The following KIF6 variants were observed in gnomAD, a reference collection of about 807,000 sequenced individuals.
KIF6 encodes the protein kinesin-like protein KIF6.
Under a neutral mutation model 112.7 loss-of-function variants are expected in KIF6, and 106 were observed. That is an observed-to-expected ratio of 0.94 (90% CI 0.80 to 1.11). KIF6 has a LOEUF of 1.11. Ranked by LOEUF, KIF6 falls within the 50% of genes least tolerant of loss-of-function variation. The pLI is 0.00. For missense variants in KIF6, 929 were observed against 964.0 expected (o/e 0.96, Z 0.48); for synonymous variants, 339 against 339.9 (o/e 1.00, Z 0.03).
At chr6:39,356,076 C>T (rs920030339) in intron 19 of KIF6, among the ~76,000 whole-genome samples, 1 of 151,636 alleles carries the variant, frequency 6.6e-6, no homozygotes, top group Non-Finnish European at 1.5e-5. Flanking sequence ...TGGCTGTGAC[C>T]GAGTCTCACA....
Position 39,586,340 on chromosome 6 carries a change from C to G in KIF6, c.911G>C (p.Ser304Thr). 6.2e-7 allele frequency: 1 copy of G among 1,614,076 alleles called. No homozygotes were observed. The highest frequency in any genetic ancestry group is 8.5e-7 in the Non-Finnish European group (1 of 1,179,896). Residue 304 changes from serine (S) to threonine (T), a missense_variant, in exon 8 of 23, where the codon AGT (serine) becomes ACT (threonine). This residue lies in a region of KIF6 where 688 missense variants were observed against 662.7 expected (regional missense o/e 1.04). Transcript: ENST00000287152. ...HIPYRNSMMT[S>T]VLRDSLGGNC... Reference sequence around the variant, plus strand: ...CCCTCCCAAACTGTCTCTTAGGACACTGGTCATCATGGAGTTTCTATAAGG... The same window carrying G: ...CCCTCCCAAACTGTCTCTTAGGACAGTGGTCATCATGGAGTTTCTATAAGG...
At chr6:39,480,363 T>C (rs1774719762) in intron 13 of KIF6, among the ~76,000 whole-genome samples, 1 of 152,214 alleles carries the variant, frequency 6.6e-6, no homozygotes, top group Non-Finnish European at 1.5e-5. Context: ...TTTATTGACT[T>C]GCGCATGTTA....
chr6:39,725,269 G>C lies in KIF6; in HGVS notation c.42C>G (p.Pro14=), dbSNP rs1270536670. The change falls in exon 1 of 23, where the codon CCC becomes CCG. Residue 14 remains proline (P), a synonymous_variant. Coordinates refer to ENST00000287152, the MANE Select transcript of KIF6 (RefSeq NM_145027.6). ...CCCCTTGTTGGTGCTTCCGGACAGG[G>C]GGCTTCACCCTCGCGAATATCTGGA... The part of the protein sequence containing the change: ...QTIQIFARVK[P]PVRKHQQGIY... The C allele has an allele frequency of 2.5e-6, 4 of 1,610,346 alleles. No individual in the cohort carries two copies. The African/African-American group carries it at 5.4e-5, about 22-fold the overall frequency.
chr6:39,671,572 A>G (rs999212692), intron 3 of KIF6, among the ~76,000 whole-genome samples: 1 of 152,114 alleles, frequency 6.6e-6, no homozygotes, highest in African/African-American at 2.4e-5. Flanking sequence ...ATTCCTGTTC[A>G]GCTCATTCTC....
intron 19 of KIF6, among the ~76,000 whole-genome samples, chr6:39,354,782 A>C (rs1000178774): frequency 6.6e-6 from 1 of 152,212 alleles, no homozygotes; most frequent in Non-Finnish European, 1.5e-5. Flanking sequence ...TAATTTCAAC[A>C]GTCTGATAGG....
intron 3 of KIF6, among the ~76,000 whole-genome samples, chr6:39,652,323 G>A (rs1785514951): frequency 1.3e-5 from 2 of 152,072 alleles, no homozygotes; most frequent in South Asian, 2.1e-4. Context: ...AAGGTCGGGA[G>A]TTCAAGACCA....
chr6:39,720,778 G>A lies in KIF6; in HGVS notation c.100C>T (p.Pro34Ser). ...YSIDEDEKLI[P>S]SLEIILPRDL... ...CGTGGTAAGATGATTTCCAAGCTAG[G>A]TATTAATTTTTCATCTTCATCTATG... Residue 34 changes from proline to serine, a missense_variant, in exon 2 of 23, where the codon CCT (proline) becomes TCT (serine). Coordinates refer to ENST00000287152, the MANE Select transcript of KIF6 (RefSeq NM_145027.6). 1 of 1,603,476 alleles carries A rather than the reference G, an allele frequency of 6.2e-7. No homozygotes were observed. Among genetic ancestry groups the A allele is most frequent in the East Asian group, 2.2e-5 (1 of 44,770 alleles).
chr6:39,384,402 T>A (rs1017995828), intron 16 of KIF6, among the ~76,000 whole-genome samples: 8 of 152,176 alleles, frequency 5.3e-5, no homozygotes, highest in Non-Finnish European at 1.2e-4. Flanking sequence ...TGGCTCTTTG[T>A]TGAAGACACT....
intron 13 of KIF6, among the ~76,000 whole-genome samples, chr6:39,431,685 A>C (rs930773755): frequency 2.6e-5 from 4 of 152,148 alleles, no homozygotes; most frequent in African/African-American, 9.7e-5. Flanking sequence ...TTCAGGAGTT[A>C]GGTCCTCAGT....
intron 13 of KIF6, among the ~76,000 whole-genome samples, chr6:39,496,408 C>G (rs1775785295): frequency 6.6e-6 from 1 of 152,182 alleles, no homozygotes; most frequent in South Asian, 2.1e-4. Context: ...ATTTTAGGCA[C>G]TTCATATTAA....
At chr6:39,547,137 A>G (rs1180288750) in intron 10 of KIF6, among the ~76,000 whole-genome samples, 1 of 151,922 alleles carries the variant, frequency 6.6e-6, no homozygotes, top group African/African-American at 2.4e-5. Flanking sequence ...ATATTTGCAT[A>G]CTTTCAGCAT....
At chr6:39,580,142 G>C (rs1318974739) in intron 9 of KIF6, among the ~76,000 whole-genome samples, 2 of 151,952 alleles carry the variant, frequency 1.3e-5, no homozygotes, top group Non-Finnish European at 2.9e-5. Flanking sequence ...CATAAACATG[G>C]TATAGCTTTC....
At chr6:39,388,573 C>A (rs1465203815) in intron 15 of KIF6, among the ~76,000 whole-genome samples, 1 of 152,160 alleles carries the variant, frequency 6.6e-6, no homozygotes, top group Non-Finnish European at 1.5e-5. Flanking sequence ...CCAAAAATAG[C>A]CTTATGGCTG....
chr6:39,510,872 C>CAAAA (rs1180631310), intron 13 of KIF6, among the ~76,000 whole-genome samples: 327 of 23,710 alleles, frequency 0.014, no homozygotes, highest in East Asian at 0.029. Flanking sequence ...AAATGGGAAG[C>CAAAA]AAAAAAAAAA....
chr6:39,435,747 T>C (rs1771480593), intron 13 of KIF6, among the ~76,000 whole-genome samples: 1 of 152,254 alleles, frequency 6.6e-6, no homozygotes, highest in Non-Finnish European at 1.5e-5. Flanking sequence ...CCACATTTTC[T>C]TTATCCATTC....
intron 3 of KIF6, among the ~76,000 whole-genome samples, chr6:39,703,525 A>G (rs1002714412): frequency 6.6e-6 from 1 of 152,162 alleles, no homozygotes; most frequent in Non-Finnish European, 1.5e-5. Context: ...ATATAAAATA[A>G]TATATATTCT....
intron 16 of KIF6, among the ~76,000 whole-genome samples, chr6:39,365,811 A>G (rs577216668): frequency 2.0e-5 from 3 of 152,284 alleles, no homozygotes; most frequent in African/African-American, 7.2e-5. Flanking sequence ...AGTACGTGAG[A>G]GACTGCTGGA....
rs568837917 is a variant in KIF6 at position 39,597,441 on chromosome 6, C to A, written c.640-1181G>T. ...GTGCTGGTGCTGGTGCAGGAGCAGA[C>A]AGCTAGGTCAGTGAGACATGCTGTG... On this transcript the variant is annotated intron_variant, in intron 6 of 22. Transcript: ENST00000287152. Among the ~76,000 whole-genome samples, 23 of 152,298 alleles carry A rather than the reference C, an allele frequency of 1.5e-4. No homozygotes were observed. In the South Asian group the frequency reaches 4.6e-3, roughly 30 times the overall value.
rs991380282 is a variant in KIF6, at chr6:39,332,431, G to A, written c.*4101C>T. On this transcript the variant is annotated 3_prime_UTR_variant, in exon 23 of 23. Transcript: ENST00000287152. The stretch of plus-strand genomic sequence containing the variant: ...AAGCTTTGTTTTGGGACTCATTGAA[G>A]TTACTTGGAAACTTACTGGAAACAA... The A allele has an allele frequency of 6.6e-6, 1 of 152,168 alleles. No individual in the cohort carries two copies. The highest frequency in any genetic ancestry group is 1.5e-5 in the Non-Finnish European group (1 of 68,028). 9.4% of individuals were successfully genotyped at this position (152,168 alleles called of 1,614,324 possible). A position where few individuals can be genotyped will look rare whatever the true frequency, so the allele number is the denominator to read the frequency against.
Sources: allele counts gnomAD v4.1 joint callset (sites outside exome capture counted in the v4.1 genomes callset), GRCh38; gene constraint gnomAD v4.1.1; regional missense constraint gnomAD v4.1.1; transcripts MANE v1.5; gene names NCBI Gene and HGNC (gene_info 2026-07-23, HGNC 2026-07-21).